UNC5D: variants seen among roughly 807,000 people sequenced by gnomAD.
UNC5D encodes netrin receptor UNC5D.
Under a neutral mutation model 105.4 loss-of-function variants are expected in UNC5D, and 39 were observed. That is an observed-to-expected ratio of 0.37 (90% CI 0.29 to 0.48). UNC5D has a LOEUF of 0.48. Ranked by LOEUF, UNC5D falls within the 20% of genes least tolerant of loss-of-function variation. The pLI is 0.98. For synonymous variants in UNC5D, 452 were observed against 450.4 expected (o/e 1.00, Z -0.04); for missense variants, 991 against 1,202.4 (o/e 0.82, Z 2.60).
At position 35,509,591 on chromosome 8, in the gene UNC5D, T is replaced by G. The variant is rs1183704156; in HGVS notation, c.104-39701T>G. ...TCCCCTGCATTGGATACTTTTCCCA[T>G]CCTTTCTCACTGTGAGCATATAGGA... On this transcript the variant is annotated intron_variant, in intron 1 of 16. Coordinates refer to ENST00000404895, the MANE Select transcript of UNC5D (RefSeq NM_080872.4). Among the ~76,000 whole-genome samples, 6 of 85,388 alleles carry G rather than the reference T, an allele frequency of 7.0e-5. No individual in the cohort carries two copies. In the South Asian group the frequency reaches 2.2e-3, roughly 31 times the overall value. The allele number at this position is 85,388 out of a possible 152,430, so 56.0% of individuals were successfully genotyped here.
At position 35,392,483 on chromosome 8, in the gene UNC5D, C is replaced by A. The variant is rs7008464; in HGVS notation, c.103+156596C>A. ...AGCCTCCCACCTTGCCTTTCAAAAG[C>A]GCTGGGATTACTGGCCTGATCCACC... On this transcript the variant is annotated intron_variant, in intron 1 of 16. Transcript: ENST00000404895. Among the ~76,000 whole-genome samples the A allele has an allele frequency of 2.5e-3, 386 of 152,260 alleles. 6 individuals carry two copies. Among genetic ancestry groups the A allele is most frequent in the African/African-American group, 8.7e-3 (360 of 41,536 alleles).
intron 1 of UNC5D, among the ~76,000 whole-genome samples, chr8:35,458,072 G>A (rs1356482189): frequency 1.3e-5 from 2 of 152,048 alleles, no homozygotes; most frequent in East Asian, 3.9e-4. Flanking sequence ...TATCCTTATG[G>A]TGATTACTGG....
At chr8:35,332,238 G>A (rs541809915) in intron 1 of UNC5D, among the ~76,000 whole-genome samples, 1 of 152,182 alleles carries the variant, frequency 6.6e-6, no homozygotes, top group Non-Finnish European at 1.5e-5. Context: ...TATAGGTTGA[G>A]CTTTCAATGT....
At chr8:35,653,198 G>T (rs1045004598) in intron 4 of UNC5D, among the ~76,000 whole-genome samples, 1 of 152,040 alleles carries the variant, frequency 6.6e-6, no homozygotes, top group Non-Finnish European at 1.5e-5. Context: ...AAAGTTCTGG[G>T]ATTACAGGCG....
At chr8:35,721,341 C>G (rs1377459953) in intron 8 of UNC5D, 1 of 691,880 alleles carries the variant, frequency 1.4e-6, no homozygotes, top group Non-Finnish European at 2.6e-6. Context: ...ATCCAACGCA[C>G]CTCTAGAAAA....
intron 4 of UNC5D, among the ~76,000 whole-genome samples, chr8:35,635,329 A>T (rs1275855250): frequency 1.3e-5 from 2 of 151,882 alleles, no homozygotes. Context: ...AGCATCACCC[A>T]CTATATTCAT....
At chr8:35,281,589 A>AC (rs2128850389) in intron 1 of UNC5D, among the ~76,000 whole-genome samples, 1 of 151,978 alleles carries the variant, frequency 6.6e-6, no homozygotes, top group African/African-American at 2.4e-5. Context: ...GCAGGCATGG[A>AC]CCACCACGCC....
chr8:35,466,983 T>A (rs1809352817), intron 1 of UNC5D, among the ~76,000 whole-genome samples: 3 of 152,320 alleles, frequency 2.0e-5, no homozygotes, highest in South Asian at 4.1e-4. Context: ...TTTTACTTTT[T>A]CTTGGAATAA....
chr8:35,567,351 C>T (rs1385038140), intron 2 of UNC5D, among the ~76,000 whole-genome samples: 1 of 152,158 alleles, frequency 6.6e-6, no homozygotes, highest in Non-Finnish European at 1.5e-5. Flanking sequence ...ATATTGTATA[C>T]ATGTATCAAA....
At chr8:35,695,390 G>A (rs1396852745) in intron 7 of UNC5D, among the ~76,000 whole-genome samples, 1 of 152,098 alleles carries the variant, frequency 6.6e-6, no homozygotes, top group Non-Finnish European at 1.5e-5. Context: ...ATACATGGTT[G>A]TGCACACCTA....
chr8:35,699,445 A>C (rs1827024090), intron 7 of UNC5D, among the ~76,000 whole-genome samples: 2 of 152,172 alleles, frequency 1.3e-5, no homozygotes, highest in South Asian at 4.1e-4. Context: ...CATAGTTAGA[A>C]GATGTCAATA....
chr8:35,675,523 A>G (rs1825149602), intron 4 of UNC5D, among the ~76,000 whole-genome samples: 2 of 152,198 alleles, frequency 1.3e-5, no homozygotes, highest in Admixed American at 6.5e-5. Context: ...TATAATATAT[A>G]TGAACAACTC....
chr8:35,709,515 C>T (rs908233612), intron 8 of UNC5D, among the ~76,000 whole-genome samples: 2 of 151,984 alleles, frequency 1.3e-5, no homozygotes, highest in African/African-American at 4.8e-5. Context: ...CATGGTGAAA[C>T]CTCACCTCTA....
rs563467024 is a variant in UNC5D, at chr8:35,363,538, A to G, written c.103+127651A>G. Among the ~76,000 whole-genome samples, 3 of 152,232 alleles carry G rather than the reference A, an allele frequency of 2.0e-5. No individual in the cohort carries two copies. In the East Asian group the frequency reaches 5.8e-4, roughly 29 times the overall value. ...ACTTGGGCATCTCTGGTATTTCTTC[A>G]GGGTTGTATTTAGATTGTGCATTTT... On this transcript the variant is annotated intron_variant, in intron 1 of 16. Coordinates refer to ENST00000404895, the MANE Select transcript of UNC5D (RefSeq NM_080872.4).
intron 1 of UNC5D, among the ~76,000 whole-genome samples, chr8:35,539,978 G>C (rs1815149688): frequency 6.6e-6 from 1 of 152,146 alleles, no homozygotes; most frequent in South Asian, 2.1e-4. Flanking sequence ...AAAAATATGA[G>C]AATGGTGTTT....
intron 1 of UNC5D, among the ~76,000 whole-genome samples, chr8:35,427,018 A>G (rs960311063): frequency 6.6e-6 from 1 of 152,170 alleles, no homozygotes; most frequent in African/African-American, 2.4e-5. Context: ...GATTTTTGCA[A>G]TCACTTGGCT....
intron 1 of UNC5D, among the ~76,000 whole-genome samples, chr8:35,337,276 A>C (rs1237439916): frequency 6.6e-6 from 1 of 152,184 alleles, no homozygotes; most frequent in Non-Finnish European, 1.5e-5. Context: ...TTTTGATAAG[A>C]GTTTCCAAGA....
chr8:35,693,250 T>C (rs1324573804), intron 7 of UNC5D, among the ~76,000 whole-genome samples: 1 of 152,202 alleles, frequency 6.6e-6, no homozygotes, highest in Non-Finnish European at 1.5e-5. Context: ...GATGGGCACT[T>C]GCACTCAAGT....
intron 1 of UNC5D, among the ~76,000 whole-genome samples, chr8:35,350,512 G>A (rs1435553637): frequency 6.6e-6 from 1 of 151,930 alleles, no homozygotes; most frequent in African/African-American, 2.4e-5. Context: ...TCAAAAACAT[G>A]TACTATTCAA....
Sources: allele counts gnomAD v4.1 joint callset (sites outside exome capture counted in the v4.1 genomes callset), GRCh38; gene constraint gnomAD v4.1.1; transcripts MANE v1.5; gene names NCBI Gene and HGNC (gene_info 2026-07-23, HGNC 2026-07-21).